TMEM14A: variants seen among roughly 807,000 people sequenced by gnomAD.
The protein encoded by TMEM14A is transmembrane protein 14A.
In TMEM14A, 8 loss-of-function variants were observed where a neutral mutation model predicts 11.6. That is an observed-to-expected ratio of 0.69 (90% CI 0.40 to 1.24). The LOEUF (loss-of-function observed/expected upper bound fraction) is 1.24. Ranked by LOEUF, TMEM14A falls within the 50% of genes most tolerant of loss-of-function variation. The probability of loss-of-function intolerance (pLI) is 0.01; values close to 1 mark genes in which losing one functional copy is unlikely to be tolerated. For synonymous variants in TMEM14A, 34 were observed against 45.5 expected (o/e 0.75, Z 1.02); for missense variants, 108 against 121.9 (o/e 0.89, Z 0.54).
chr6:52,680,737 C>T (rs749516516), intron 2 of TMEM14A, among the ~76,000 whole-genome samples: 3 of 58,640 alleles, frequency 5.1e-5, no homozygotes, highest in African/African-American at 1.5e-4. Flanking sequence ...TGATTAACCC[C>T]GTTTTACAAC....
intron 2 of TMEM14A, 48 bp downstream of exon 2, chr6:52,677,220 A>G: frequency 6.3e-7 from 1 of 1,586,018 alleles, no homozygotes; most frequent in East Asian, 2.2e-5. Flanking sequence ...GGGGGTTTGG[A>G]GGTTGTGCTA....
intron 3 of TMEM14A, among the ~76,000 whole-genome samples, chr6:52,683,806 G>A (rs1324244254): frequency 6.6e-6 from 1 of 152,082 alleles, no homozygotes; most frequent in African/African-American, 2.4e-5. Flanking sequence ...GTAGAGACGA[G>A]GTTTCTCCAT....
rs757393632 is a variant in TMEM14A at position 52,685,964 on chromosome 6, A to C, written c.261-46A>C. ...TGCATGGCCCTTTCTGTCTTATGCC[A>C]GATAAAAGTGACTCTCCCTTTGTCT... is the stretch of plus-strand genomic sequence containing the variant. On this transcript the variant is annotated intron_variant, in intron 4 of 4. Transcript: ENST00000211314. 8.1e-6 allele frequency: 13 copies of C among 1,598,462 alleles called. No homozygotes were observed. In the South Asian group the frequency reaches 1.2e-4, roughly 15 times the overall value.
chr6:52,680,270 G>T (rs2127263936), intron 2 of TMEM14A, among the ~76,000 whole-genome samples: 1 of 151,906 alleles, frequency 6.6e-6, no homozygotes, highest in Non-Finnish European at 1.5e-5. Context: ...GACATCCGAA[G>T]GTGAGCTACA....
chr6:52,684,545 T>G (rs1769458019), intron 4 of TMEM14A, among the ~76,000 whole-genome samples: 1 of 152,226 alleles, frequency 6.6e-6, no homozygotes, highest in South Asian at 2.1e-4. Flanking sequence ...TACAGTTATT[T>G]CAAGTTTTTA....
In TMEM14A at chr6:52,673,955, A is replaced by G. The variant is rs1056239812; in HGVS notation, c.-17+2710A>G. Among the ~76,000 whole-genome samples the G allele has an allele frequency of 2.0e-5, 3 of 152,228 alleles. No homozygotes were observed. The East Asian group carries it at 5.8e-4, about 29-fold the overall frequency. On this transcript the variant is annotated intron_variant, in intron 1 of 4. Coordinates refer to ENST00000211314, the MANE Select transcript of TMEM14A (RefSeq NM_014051.4). The stretch of plus-strand genomic sequence containing the variant: ...GGTGTAAGGGTGAATGAGAAGAGTA[A>G]TCATTGGAGCAGCTAATATTTGTTG...
chr6:52,674,534 G>A (rs1561873147), intron 1 of TMEM14A, among the ~76,000 whole-genome samples: 1 of 152,138 alleles, frequency 6.6e-6, no homozygotes, highest in Admixed American at 6.5e-5. Context: ...GTGTGGTCAT[G>A]ATTACATGAG....
rs1769152748 is a variant in TMEM14A, at chr6:52,671,155, G to A, written c.-107G>A. On this transcript the variant is annotated 5_prime_UTR_variant, in exon 1 of 5. Transcript: ENST00000211314. The stretch of plus-strand genomic sequence containing the variant: ...CGCCGAGTGGGACAGCGCTGGTGCG[G>A]AGACTGCTTCCGGACTCCAGGTACC... 6.6e-6 allele frequency: 1 copy of A among 152,318 alleles called. No individual in the cohort carries two copies. The highest frequency in any genetic ancestry group is 1.5e-5 in the Non-Finnish European group (1 of 68,084). 9.4% of individuals were successfully genotyped at this position (152,318 alleles called of 1,614,324 possible).
At chr6:52,685,872 A>G in intron 4 of TMEM14A, 138 bp from the exon 5 acceptor site, 1 of 590,894 alleles carries the variant, frequency 1.7e-6, no homozygotes, top group African/African-American at 1.9e-5. Context: ...GGATGTTTTA[A>G]TCCTCCAAGG....
rs571908645 is a variant in TMEM14A at position 52,680,111 on chromosome 6, C to G, written c.71-1702C>G. Among the ~76,000 whole-genome samples, 8 of 151,958 alleles carry G rather than the reference C, an allele frequency of 5.3e-5. No homozygotes were observed. In the South Asian group the frequency reaches 8.3e-4, roughly 16 times the overall value. On this transcript the variant is annotated intron_variant, in intron 2 of 4. Transcript: ENST00000211314. Reference sequence around the variant, plus strand: ...TATGTACCTGGCCCTGTGTCTCGCCCTGGGGAAACAGCAATCGCTCACAAG... The same window carrying G: ...TATGTACCTGGCCCTGTGTCTCGCCGTGGGGAAACAGCAATCGCTCACAAG...
In TMEM14A at chr6:52,684,090, TC is replaced by T. The variant is rs758972964; in HGVS notation, c.187del (p.Leu63TrpfsTer4). 18 of 1,612,928 alleles carry T rather than the reference TC, an allele frequency of 1.1e-5. No homozygotes were observed. In the Admixed American group the frequency reaches 2.2e-4, roughly 19 times the overall value. ...DVKVSLFTAF[F>X]LATIMGVRFK... The stretch of plus-strand genomic sequence containing the variant: ...GTTTGGTTTTCAGTTACAGCTTTCT[TC>T]CTGGCTACCATAATGGGTGTGAGAT... On this transcript the variant is annotated frameshift_variant, in exon 4 of 5. Coordinates refer to ENST00000211314, the MANE Select transcript of TMEM14A (RefSeq NM_014051.4). LOFTEE classifies it high-confidence loss of function.
chr6:52,678,515 G>C (rs576571018), intron 2 of TMEM14A, among the ~76,000 whole-genome samples: 2 of 152,266 alleles, frequency 1.3e-5, no homozygotes, highest in African/African-American at 4.8e-5. Context: ...TCCTGCAAGA[G>C]CCCCCTACTA....
intron 3 of TMEM14A, 50 bp from the exon 4 acceptor site, chr6:52,684,028 C>A: frequency 6.5e-7 from 1 of 1,543,682 alleles, no homozygotes; most frequent in Non-Finnish European, 8.9e-7. Context: ...TTCCCACAAG[C>A]ATTGATAACA....
chr6:52,676,989 GAC>G, intron 1 of TMEM14A, 96 bp from the exon 2 acceptor site: 2 of 1,108,128 alleles, frequency 1.8e-6, no homozygotes, highest in Non-Finnish European at 2.7e-6. Flanking sequence ...TTTGGGTGGG[GAC>G]ACACAGCCAA....
chr6:52,682,021 C>G lies in TMEM14A; in HGVS notation c.172+107C>G. On this transcript the variant is annotated intron_variant, in intron 3 of 4. Coordinates refer to ENST00000211314, the MANE Select transcript of TMEM14A (RefSeq NM_014051.4). ...ACATATTTAGTCAAATGGCAAATGG[C>G]CATATGCATGTGTTGAGGCTGAATA... The G allele has an allele frequency of 6.9e-6, 6 of 871,368 alleles. No individual in the cohort carries two copies. In the South Asian group the frequency reaches 8.7e-5, roughly 13 times the overall value. The allele number at this position is 871,368 out of a possible 1,614,324, so 54.0% of individuals were successfully genotyped here.
At chr6:52,680,575 C>T (rs1167367856) in intron 2 of TMEM14A, among the ~76,000 whole-genome samples, 1 of 84,556 alleles carries the variant, frequency 1.2e-5, no homozygotes, top group Non-Finnish European at 2.7e-5. Context: ...CATTCTAAGC[C>T]ACTATATATT....
chr6:52,680,822 C>G (rs1323253735), intron 2 of TMEM14A, among the ~76,000 whole-genome samples: 1 of 148,022 alleles, frequency 6.8e-6, no homozygotes, highest in Non-Finnish European at 1.5e-5. Context: ...GGAGTAGAAC[C>G]TAGCGTGTTT....
At position 52,680,704 on chromosome 6, in the gene TMEM14A, T is replaced by TACACATATATATATATAC. The variant is rs1769372874; in HGVS notation, c.71-1095_71-1094insATACACACATATATATAT. On this transcript the variant is annotated intron_variant, in intron 2 of 4. Transcript: ENST00000211314. Reference sequence around the variant, plus strand: ...ATATACATATATGTATATATATATATACACATATATATATGGCATGGATGA... The same window carrying TACACATATATATATATAC: ...ATATACATATATGTATATATATATATACACATATATATATATACACACATATATATATGGCATGGATGA... 3.1e-4 allele frequency among the ~76,000 whole-genome samples: 16 copies of TACACATATATATATATAC among 51,108 alleles called. 2 individuals are homozygous for TACACATATATATATATAC. Among genetic ancestry groups the TACACATATATATATATAC allele is most frequent in the African/African-American group, 8.6e-4 (15 of 17,496 alleles). The allele number at this position is 51,108 out of a possible 152,430, so 33.5% of individuals were successfully genotyped here.
chr6:52,683,445 G>A (rs867825245), intron 3 of TMEM14A, among the ~76,000 whole-genome samples: 8 of 145,426 alleles, frequency 5.5e-5, no homozygotes, highest in Admixed American at 4.2e-4. Context: ...GGGTGACAGA[G>A]CAAGACTCTG....
Sources: allele counts gnomAD v4.1 joint callset (sites outside exome capture counted in the v4.1 genomes callset), GRCh38; gene constraint gnomAD v4.1.1; transcripts MANE v1.5; gene names NCBI Gene and HGNC (gene_info 2026-07-23, HGNC 2026-07-21).